The following ATP2B2 variants were observed in gnomAD, a reference collection of about 807,000 sequenced individuals.
The protein encoded by ATP2B2 is plasma membrane calcium-transporting ATPase 2.
ATP2B2 carries 15 observed loss-of-function variants against 120.0 expected under a neutral mutation model. The ratio of observed to expected loss-of-function variants is 0.12; its 90% CI spans 0.08 to 0.19. The LOEUF (loss-of-function observed/expected upper bound fraction) is 0.19, where lower values mean the gene tolerates loss of function less well. Among genes scored for constraint, ATP2B2 ranks in the 10% least tolerant of loss-of-function variants. ATP2B2 has a pLI of 1.00. For synonymous variants in ATP2B2, 694 were observed against 700.3 expected, an observed-to-expected ratio of 0.99 and a Z score of 0.14; for missense variants, 1,045 against 1,719.8, an observed-to-expected ratio of 0.61 and a Z score of 6.94.
chr3:10,453,209 A>G (rs954543525), intron 1 of ATP2B2, among the ~76,000 whole-genome samples: 4 of 152,224 alleles, frequency 2.6e-5, no homozygotes, highest in Admixed American at 1.3e-4. Context: ...ATGGGAAGGA[A>G]ATTAACTTTG....
intron 22 of ATP2B2, chr3:10,336,322 G>C (rs1298932916): frequency 6.5e-7 from 1 of 1,548,192 alleles, no homozygotes; most frequent in Non-Finnish European, 8.7e-7. Context: ...GAGAGAACGA[G>C]ACAAGTTGCG....
intron 2 of ATP2B2, among the ~76,000 whole-genome samples, chr3:10,544,678 A>G (rs2067507673): frequency 6.6e-6 from 1 of 152,214 alleles, no homozygotes; most frequent in Non-Finnish European, 1.5e-5. Context: ...AGGGGTGCAC[A>G]GAAGAGGGCT....
At chr3:10,544,046 T>G (rs2067492960) in intron 2 of ATP2B2, among the ~76,000 whole-genome samples, 1 of 152,072 alleles carries the variant, frequency 6.6e-6, no homozygotes, top group Admixed American at 6.6e-5. Flanking sequence ...GCCCTGTTCT[T>G]CATAATTTTT....
At chr3:10,644,606 G>C (rs1039299637) in intron 1 of ATP2B2, among the ~76,000 whole-genome samples, 11 of 152,226 alleles carry the variant, frequency 7.2e-5, no homozygotes, top group African/African-American at 2.7e-4. Flanking sequence ...ACTAATACAT[G>C]CTCCACCTAA....
intron 2 of ATP2B2, among the ~76,000 whole-genome samples, chr3:10,615,209 G>A (rs984710232): frequency 5.9e-5 from 9 of 152,128 alleles, no homozygotes; most frequent in African/African-American, 7.2e-5. Context: ...GGAGTGATGC[G>A]AGCAGATCTG....
At chr3:10,521,465 T>C (rs991756679) in intron 3 of ATP2B2, among the ~76,000 whole-genome samples, 1 of 152,246 alleles carries the variant, frequency 6.6e-6, no homozygotes, top group Non-Finnish European at 1.5e-5. Context: ...TCGGTGATTA[T>C]GGACAGGTGT....
intron 1 of ATP2B2, among the ~76,000 whole-genome samples, chr3:10,623,111 G>A (rs924284560): frequency 1.4e-5 from 2 of 143,474 alleles, no homozygotes; most frequent in Non-Finnish European, 3.0e-5. Context: ...TGCCCTGGCT[G>A]GAGTGCAGTG....
intron 1 of ATP2B2, among the ~76,000 whole-genome samples, chr3:10,476,821 G>C (rs759606771): frequency 7.9e-5 from 12 of 152,380 alleles, no homozygotes; most frequent in Non-Finnish European, 1.2e-4. Context: ...GCTGGGCAGA[G>C]AGCAGCTAAT....
At chr3:10,597,283 G>T (rs2068794075) in intron 2 of ATP2B2, among the ~76,000 whole-genome samples, 1 of 104,592 alleles carries the variant, frequency 9.6e-6, no homozygotes, top group African/African-American at 4.6e-5. Flanking sequence ...ACACACACAG[G>T]TACACACACA....
chr3:10,421,610 T>C (rs1575179002), intron 2 of ATP2B2, among the ~76,000 whole-genome samples: 1 of 152,210 alleles, frequency 6.6e-6, no homozygotes, highest in South Asian at 2.1e-4. Context: ...AGTTCGGCTG[T>C]CACAGCATCC....
At chr3:10,404,658 A>G (rs1482112392) in intron 3 of ATP2B2, among the ~76,000 whole-genome samples, 1 of 152,178 alleles carries the variant, frequency 6.6e-6, no homozygotes, top group Non-Finnish European at 1.5e-5. Flanking sequence ...CACATTACAG[A>G]AGGAGCTCCT....
chr3:10,644,971 C>G (rs1024242505), intron 1 of ATP2B2, among the ~76,000 whole-genome samples: 9 of 152,092 alleles, frequency 5.9e-5, no homozygotes, highest in African/African-American at 2.2e-4. Flanking sequence ...AATTGCACTA[C>G]AGTTATATAA....
intron 3 of ATP2B2, among the ~76,000 whole-genome samples, chr3:10,511,432 A>C (rs2066759514): frequency 6.6e-6 from 1 of 152,242 alleles, no homozygotes; most frequent in African/African-American, 2.4e-5. Flanking sequence ...TATTGATTGA[A>C]CTGATAAATG....
At chr3:10,473,383 G>A (rs2125292603) in intron 1 of ATP2B2, among the ~76,000 whole-genome samples, 2 of 152,354 alleles carry the variant, frequency 1.3e-5, no homozygotes, top group East Asian at 3.9e-4. Flanking sequence ...TGTAATCCCA[G>A]CACTTTGGGA....
intron 14 of ATP2B2, among the ~76,000 whole-genome samples, chr3:10,358,480 G>T (rs2060803051): frequency 6.6e-6 from 1 of 152,218 alleles, no homozygotes; most frequent in Admixed American, 6.5e-5. Flanking sequence ...CAACCTGTGG[G>T]TTCTGTGTCC....
chr3:10,345,292 C>T, intron 18 of ATP2B2, 92 bp downstream of exon 18: 1 of 1,454,238 alleles, frequency 6.9e-7, no homozygotes, highest in South Asian at 1.2e-5. Context: ...GCTGTTCTGA[C>T]AGGGACAACC....
At chr3:10,490,702 C>G (rs966656443) in intron 1 of ATP2B2, among the ~76,000 whole-genome samples, 1 of 152,072 alleles carries the variant, frequency 6.6e-6, no homozygotes, top group Non-Finnish European at 1.5e-5. Flanking sequence ...CCCAGCAATC[C>G]ACAGCATTCT....
At chr3:10,508,764 A>G (rs980749230), upstream of ATP2B2, among the ~76,000 whole-genome samples, 1 of 152,266 alleles carries the variant, frequency 6.6e-6, no homozygotes, top group East Asian at 1.9e-4. Flanking sequence ...TAGACAAACA[A>G]TGGCACTAGT....
chr3:10,646,912 G>C (rs893577285), intron 1 of ATP2B2, among the ~76,000 whole-genome samples: 1 of 152,210 alleles, frequency 6.6e-6, no homozygotes, highest in African/African-American at 2.4e-5. Flanking sequence ...AACATGTGGG[G>C]CGTTACATAA....
Sources: gnomAD v4.1 joint callset for allele counts (sites outside exome capture counted in the v4.1 genomes callset) on GRCh38, gnomAD v4.1.1 for gene constraint, MANE v1.5 for transcripts, NCBI Gene and HGNC (gene_info 2026-07-23, HGNC 2026-07-21) for gene names.